Variants in SGO2 observed in about 807,000 individuals in gnomAD.
SGO2 encodes shugoshin-like 2.
A neutral mutation model predicts 99.5 loss-of-function variants in SGO2; 68 were observed. The ratio of observed to expected loss-of-function variants is 0.68; its 90% CI spans 0.56 to 0.84. SGO2 has a LOEUF of 0.84. Among genes scored for constraint, SGO2 ranks in the 40% least tolerant of loss-of-function variants. The pLI, the probability that SGO2 is intolerant of heterozygous loss-of-function variation, is 0.00. For missense variants in SGO2, 1,350 were observed against 1,436.7 expected (o/e 0.94, Z 0.97); for synonymous variants, 457 against 487.1 (o/e 0.94, Z 0.81).
At chr2:200,539,108 A>G (rs982480354) in intron 4 of SGO2, among the ~76,000 whole-genome samples, 1 of 152,124 alleles carries the variant, frequency 6.6e-6, no homozygotes, top group African/African-American at 2.4e-5. Flanking sequence ...GTTTTGTAGA[A>G]TTATTCTGTG....
chr2:200,540,718 T>C (rs946421705), intron 4 of SGO2, among the ~76,000 whole-genome samples: 48 of 152,374 alleles, frequency 3.2e-4, no homozygotes, highest in African/African-American at 1.1e-3. Context: ...CTGTGTATTA[T>C]GATGTTTTTA....
chr2:200,547,283 G>C (rs1476672713), intron 5 of SGO2, among the ~76,000 whole-genome samples: 2 of 152,288 alleles, frequency 1.3e-5, no homozygotes, highest in East Asian at 1.9e-4. Flanking sequence ...TGTGTCCAAC[G>C]AATTGTCATG....
rs905030891 is a variant in SGO2 at position 200,571,205 on chromosome 2, G to T, written c.859G>T (p.Ala287Ser). 2 of 1,613,630 alleles carry T rather than the reference G, an allele frequency of 1.2e-6. No individual in the cohort carries two copies. Among genetic ancestry groups the T allele is most frequent in the Non-Finnish European group, 1.7e-6 (2 of 1,179,664 alleles). Residue 287 changes from alanine (A) to serine (S), a missense_variant, in exon 7 of 9, where the codon GCA (alanine) becomes TCA (serine). Transcript: ENST00000357799. Reference sequence around the variant, plus strand: ...ATCTTGGGAATCAAATAATCTTTCTGCAGACACTCCCTGTGCAACAGTTTT... The same window carrying T: ...ATCTTGGGAATCAAATAATCTTTCTTCAGACACTCCCTGTGCAACAGTTTT... ...GSSWESNNLS[A>S]DTPCATVLDK... is the part of the protein sequence containing the mutation.
intron 5 of SGO2, among the ~76,000 whole-genome samples, chr2:200,550,909 A>C (rs1373569368): frequency 6.6e-6 from 1 of 152,124 alleles, no homozygotes; most frequent in African/African-American, 2.4e-5. Context: ...CAACCCATAT[A>C]ATGTGAGAAA....
rs768492150 is a variant in SGO2, at chr2:200,573,898, T to C, written c.3552T>C (p.Phe1184=). 9.3e-6 allele frequency: 15 copies of C among 1,612,044 alleles called. No individual in the cohort carries two copies. Among genetic ancestry groups the C allele is most frequent in the Non-Finnish European group, 1.3e-5 (15 of 1,179,224 alleles). Residue 1184 remains phenylalanine (F), a synonymous_variant, in exon 7 of 9, where the codon TTT becomes TTC. Coordinates refer to ENST00000357799, the MANE Select transcript of SGO2 (RefSeq NM_152524.6). ...TTGCCTTGGAGTGCTCCCCAGCCTT[T>C]CAAGTAAGTGATGATGAGCATGAGA... ...ENFALECSPA[F]QVSDDEHEKM... is the part of the protein sequence containing the mutation.
At chr2:200,575,532 T>A in intron 8 of SGO2, 71 bp downstream of exon 8, 1 of 1,116,022 alleles carries the variant, frequency 9.0e-7, no homozygotes, top group Non-Finnish European at 1.3e-6. Flanking sequence ...CCTGAATTAG[T>A]ATTTGAGCAC....
intron 5 of SGO2, among the ~76,000 whole-genome samples, chr2:200,545,556 C>T (rs983010177): frequency 4.0e-5 from 6 of 151,782 alleles, no homozygotes; most frequent in African/African-American, 1.5e-4. Flanking sequence ...CAAAACAAAA[C>T]AAAATATACA....
intron 3 of SGO2, among the ~76,000 whole-genome samples, chr2:200,535,378 G>A (rs1486959915): frequency 1.3e-5 from 2 of 152,126 alleles, no homozygotes; most frequent in Non-Finnish European, 2.9e-5. Flanking sequence ...GTGTGCTTGT[G>A]TGCTGTGTAA....
Position 200,583,582 on chromosome 2 carries a change from C to A in SGO2, c.*118C>A. ...AAGGTTTTTTTTTTGTTTCTTTGGC[C>A]TTTCATGGAGTGTTGATTTGTCCAT... On this transcript the variant is annotated 3_prime_UTR_variant, in exon 9 of 9. Coordinates refer to ENST00000357799, the MANE Select transcript of SGO2 (RefSeq NM_152524.6). The A allele has an allele frequency of 1.2e-6, 1 of 848,426 alleles. No homozygotes were observed. The highest frequency in any genetic ancestry group is 1.7e-5 in the African/African-American group (1 of 57,748). The allele number at this position is 848,426 out of a possible 1,614,324, so 52.6% of individuals were successfully genotyped here.
chr2:200,535,027 G>A lies in SGO2; in HGVS notation c.165G>A (p.Lys55=). Residue 55 remains lysine (K), a synonymous_variant, in exon 3 of 9, where the codon AAG becomes AAA. Coordinates refer to ENST00000357799, the MANE Select transcript of SGO2 (RefSeq NM_152524.6). ...CTTCTATTTTCAAAATATCTTTAAA[G>A]CACAACAACAGGGCATTAGCTCAGG... ...NNSSIFKISL[K]HNNRALAQAL... 1 of 1,535,054 alleles carries A rather than the reference G, an allele frequency of 6.5e-7. No homozygotes were observed. Among genetic ancestry groups the A allele is most frequent in the Middle Eastern group, 1.8e-4 (1 of 5,684 alleles).
In SGO2 at chr2:200,571,875, C is replaced by T. The variant is rs764784772; in HGVS notation, c.1529C>T (p.Ser510Leu). ...GAAACATACTCTTTATCCCAAAGTT[C>T]AGGTAAATTTCACCAGGAGAGTAAA... ...QEETYSLSQS[S>L]GKFHQESKFD... is the part of the protein sequence containing the mutation. The change falls in exon 7 of 9, where the codon TCA becomes TTA. Residue 510 changes from serine (S) to leucine (L), a missense_variant. Coordinates refer to ENST00000357799, the MANE Select transcript of SGO2 (RefSeq NM_152524.6). The T allele has an allele frequency of 6.2e-7, 1 of 1,613,506 alleles. No homozygotes were observed. Among genetic ancestry groups the T allele is most frequent in the Non-Finnish European group, 8.5e-7 (1 of 1,179,614 alleles).
intron 8 of SGO2, among the ~76,000 whole-genome samples, 192 bp downstream of exon 8, chr2:200,575,653 G>A (rs1408860373): frequency 1.3e-5 from 2 of 152,110 alleles, no homozygotes; most frequent in Non-Finnish European, 2.9e-5. Flanking sequence ...GGGGGTTGGA[G>A]AATTGTCTGG....
chr2:200,529,599 T>C (rs2031271662), intron 1 of SGO2, among the ~76,000 whole-genome samples: 2 of 152,352 alleles, frequency 1.3e-5, no homozygotes, highest in African/African-American at 4.8e-5. Context: ...CTCACTCAGC[T>C]CACTGCAGCC....
intron 1 of SGO2, among the ~76,000 whole-genome samples, chr2:200,527,536 C>T (rs575729351): frequency 6.6e-6 from 1 of 152,242 alleles, no homozygotes; most frequent in South Asian, 2.1e-4. Flanking sequence ...CAACTTATTC[C>T]CCATTGCAGA....
rs900842545 is a variant in SGO2, at chr2:200,583,391, C to T, written c.3783-58C>T. ...TGAAACAATTTTCTTCTCCATGCTT[C>T]ACAGCAAAAGCATTAATTTTGGGTT... On this transcript the variant is annotated intron_variant, in intron 8 of 8. Transcript: ENST00000357799. 4.7e-6 allele frequency: 7 copies of T among 1,476,696 alleles called. No homozygotes were observed. The Admixed American group carries it at 1.4e-4, about 30-fold the overall frequency. 91.5% of individuals were successfully genotyped at this position (1,476,696 alleles called of 1,614,324 possible). A position where few individuals can be genotyped will look rare whatever the true frequency, so the allele number is the denominator to read the frequency against.
intron 4 of SGO2, 117 bp downstream of exon 4, chr2:200,536,259 T>C: frequency 1.8e-6 from 1 of 553,106 alleles, no homozygotes; most frequent in Non-Finnish European, 3.2e-6. Context: ...AAAGGACTGA[T>C]GATAATATCA....
chr2:200,530,155 G>T (rs2031304819), intron 1 of SGO2, among the ~76,000 whole-genome samples: 1 of 152,128 alleles, frequency 6.6e-6, no homozygotes, highest in Non-Finnish European at 1.5e-5. Flanking sequence ...GTTTTAGATT[G>T]TATAGATTAG....
rs767099358 is a variant in SGO2, at chr2:200,533,084, TCAAAAATAAAAA to T, written c.118_129del (p.Lys40_Ile43del). ...TACTAAGTTGAATGTTTCTCTTGCT[TCAAAAATAAAAA>T]CAAAAATACTAAGTAAGTGCCATCA... On this transcript the variant is annotated inframe_deletion, in exon 2 of 9. Coordinates refer to ENST00000357799, the MANE Select transcript of SGO2 (RefSeq NM_152524.6). 20 of 1,583,180 alleles carry T rather than the reference TCAAAAATAAAAA, an allele frequency of 1.3e-5. No homozygotes were observed. The highest frequency in any genetic ancestry group is 1.7e-5 in the Non-Finnish European group (20 of 1,170,722).
chr2:200,567,169 G>A (rs907004575), intron 5 of SGO2, among the ~76,000 whole-genome samples: 6 of 152,102 alleles, frequency 3.9e-5, no homozygotes, highest in Admixed American at 1.3e-4. Context: ...GTTCATGCTG[G>A]GTGCTATAGA....
Sources: gnomAD v4.1 joint callset for allele counts (sites outside exome capture counted in the v4.1 genomes callset) on GRCh38, gnomAD v4.1.1 for gene constraint, MANE v1.5 for transcripts, NCBI Gene and HGNC (gene_info 2026-07-23, HGNC 2026-07-21) for gene names.